RAP1GAP2: variants seen among roughly 807,000 people sequenced by gnomAD.
RAP1GAP2 encodes rap1 GTPase-activating protein 2.
In RAP1GAP2, 27 loss-of-function variants were observed where a neutral mutation model predicts 95.0. The ratio of observed to expected loss-of-function variants is 0.28; its 90% confidence interval spans 0.21 to 0.39. RAP1GAP2 has a LOEUF of 0.39. RAP1GAP2 is among the 10% of genes least tolerant of loss of function. The pLI is 1.00. For synonymous variants in RAP1GAP2, 373 were observed against 380.9 expected (o/e 0.98, Z 0.24); for missense variants, 771 against 970.0 (o/e 0.79, Z 2.72).
chr17:2,836,220 T>C (rs540876221), intron 2 of RAP1GAP2, among the ~76,000 whole-genome samples: 1 of 152,144 alleles, frequency 6.6e-6, no homozygotes, highest in African/African-American at 2.4e-5. Context: ...AGGTCTACTA[T>C]GTTCACTAAC....
intron 20 of RAP1GAP2, 46 bp from the exon 21 acceptor site, chr17:3,026,304 G>A (rs898745973): frequency 2.0e-6 from 3 of 1,478,980 alleles, no homozygotes; most frequent in East Asian, 2.5e-5. Context: ...GGGGTGGAGG[G>A]CTCTCGCGTG....
intron 3 of RAP1GAP2, among the ~76,000 whole-genome samples, chr17:2,910,537 C>T (rs899425315): frequency 2.0e-5 from 3 of 152,112 alleles, no homozygotes; most frequent in Non-Finnish European, 1.5e-5. Flanking sequence ...ACCTGGTTCT[C>T]TTGGCAGTGC....
intron 8 of RAP1GAP2, among the ~76,000 whole-genome samples, chr17:2,970,296 ATAAT>A (rs1468162524): frequency 7.1e-6 from 1 of 140,776 alleles, no homozygotes; most frequent in Non-Finnish European, 1.6e-5. Context: ...AAAAAAAAAA[ATAAT>A]AATAATACGT....
chr17:2,966,129 G>A (rs1011428367), intron 8 of RAP1GAP2, among the ~76,000 whole-genome samples: 1 of 152,154 alleles, frequency 6.6e-6, no homozygotes, highest in Non-Finnish European at 1.5e-5. Context: ...GATTTATAGC[G>A]GAAGCCAGGG....
chr17:3,007,911 A>T, intron 16 of RAP1GAP2, 100 bp from the exon 17 acceptor site: 1 of 1,413,348 alleles, frequency 7.1e-7, no homozygotes, highest in Non-Finnish European at 9.6e-7. Context: ...CGGGCTGGGC[A>T]GAATGTCAGC....
At chr17:2,911,308 T>C (rs2042373924) in intron 3 of RAP1GAP2, among the ~76,000 whole-genome samples, 1 of 143,220 alleles carries the variant, frequency 7.0e-6, no homozygotes, top group African/African-American at 2.8e-5. Context: ...ACCAAAGAGA[T>C]GCTGACCAGA....
chr17:2,995,263 G>A, intron 12 of RAP1GAP2, 74 bp from the exon 13 acceptor site: 2 of 1,515,832 alleles, frequency 1.3e-6, no homozygotes, highest in Non-Finnish European at 1.8e-6. Context: ...CGTATACTTA[G>A]GGGAGCTTGC....
intron 3 of RAP1GAP2, among the ~76,000 whole-genome samples, chr17:2,908,692 A>C (rs1243437057): frequency 6.6e-6 from 1 of 152,054 alleles, no homozygotes. Flanking sequence ...AGGGAGGATT[A>C]GGATTCAATT....
At chr17:3,002,985 G>C (rs952518249) in intron 14 of RAP1GAP2, among the ~76,000 whole-genome samples, 5 of 152,044 alleles carry the variant, frequency 3.3e-5, no homozygotes, top group African/African-American at 1.2e-4. Context: ...CAGGGGAAGT[G>C]AAAAGGCCAC....
chr17:2,799,421 C>G (rs1428019069), intron 1 of RAP1GAP2, among the ~76,000 whole-genome samples: 1 of 152,204 alleles, frequency 6.6e-6, no homozygotes, highest in African/African-American at 2.4e-5. Context: ...ACCCCGTCCC[C>G]TAGCTCCAGG....
rs1200577845 is a variant in RAP1GAP2 at position 2,904,577 on chromosome 17, G to A, written c.81-707G>A. Among the ~76,000 whole-genome samples the A allele has an allele frequency of 5.3e-5, 3 of 56,350 alleles. No individual in the cohort carries two copies. The highest frequency in any genetic ancestry group is 1.6e-4 in the Non-Finnish European group (3 of 19,138). The allele number at this position is 56,350 out of a possible 152,430, so 37.0% of individuals were successfully genotyped here. Reference sequence around the variant, plus strand: ...GTGTGTGTGTGTGTGTGTACGTGCAGAGGGGCTCAAGGGAGAATGAATCCG... The same window carrying A: ...GTGTGTGTGTGTGTGTGTACGTGCAAAGGGGCTCAAGGGAGAATGAATCCG... On this transcript the variant is annotated intron_variant, in intron 2 of 24. Transcript: ENST00000254695. This position sits in a 1 kb window ranked among gnomAD's most constrained non-coding sequence, Gnocchi z 4.7.
chr17:2,847,109 C>A (rs11649852), intron 2 of RAP1GAP2, among the ~76,000 whole-genome samples: 22,430 of 151,950 alleles, frequency 0.15, 1,861 homozygotes, highest in East Asian at 0.19. Flanking sequence ...CCCTGGTTCA[C>A]GCGATTCTCC....
chr17:2,785,538 A>C (rs1223885138), intron 1 of RAP1GAP2, among the ~76,000 whole-genome samples: 2 of 152,208 alleles, frequency 1.3e-5, no homozygotes, highest in Admixed American at 6.5e-5. Flanking sequence ...CAGACACTGT[A>C]TGAAAAAAGC....
intron 2 of RAP1GAP2, among the ~76,000 whole-genome samples, chr17:2,890,965 C>T (rs1400261958): frequency 6.6e-6 from 1 of 151,900 alleles, no homozygotes; most frequent in East Asian, 1.9e-4. Flanking sequence ...GGATTACAGG[C>T]TTGAGCCACC....
intron 1 of RAP1GAP2, among the ~76,000 whole-genome samples, chr17:2,782,461 G>T (rs1009705174): frequency 2.0e-5 from 3 of 152,206 alleles, no homozygotes; most frequent in Non-Finnish European, 4.4e-5. Flanking sequence ...CAGTGCAGCT[G>T]TGATGAGGCT....
chr17:2,942,806 C>T (rs1421017801), intron 3 of RAP1GAP2, among the ~76,000 whole-genome samples: 1 of 152,072 alleles, frequency 6.6e-6, no homozygotes, highest in Non-Finnish European at 1.5e-5. Context: ...CTTGCTCTGT[C>T]ACCCAGGCTG....
intron 3 of RAP1GAP2, among the ~76,000 whole-genome samples, chr17:2,954,251 C>T (rs1449605977): frequency 1.3e-5 from 2 of 151,854 alleles, no homozygotes; most frequent in Non-Finnish European, 2.9e-5. Context: ...ATTACAGGCG[C>T]CCGCCACCAT....
intron 2 of RAP1GAP2, among the ~76,000 whole-genome samples, chr17:2,894,148 A>T (rs570458195): frequency 6.6e-6 from 1 of 150,576 alleles, no homozygotes; most frequent in Non-Finnish European, 1.5e-5. Context: ...TAGGCTGGGC[A>T]TGGTGGCCCA....
At chr17:3,026,917 C>G (rs1458330023) in intron 21 of RAP1GAP2, 27 bp from the exon 22 acceptor site, 5 of 1,545,124 alleles carry the variant, frequency 3.2e-6, no homozygotes, top group Non-Finnish European at 3.5e-6. Context: ...GGTGGGCTGG[C>G]CTCGCTCACC....
Sources: allele counts gnomAD v4.1 joint callset (sites outside exome capture counted in the v4.1 genomes callset), GRCh38; gene constraint gnomAD v4.1.1; non-coding constraint Gnocchi (gnomAD v3.1); transcripts MANE v1.5; gene names NCBI Gene and HGNC (gene_info 2026-07-23, HGNC 2026-07-21).